Variants in POLR2F observed in about 807,000 individuals in gnomAD.
POLR2F encodes the protein RNA polymerase II, I and III subunit F.
Under a neutral mutation model 22.7 loss-of-function variants are expected in POLR2F, and 12 were observed. That is an observed-to-expected ratio of 0.53 (90% CI 0.34 to 0.86). POLR2F has a LOEUF of 0.86. Ranked by LOEUF, POLR2F falls within the 40% of genes least tolerant of loss-of-function variation. The pLI, the probability that POLR2F is intolerant of heterozygous loss-of-function variation, is 0.02. For missense variants in POLR2F, 126 were observed against 171.5 expected (o/e 0.73, Z 1.48); for synonymous variants, 57 against 66.0 (o/e 0.86, Z 0.66).
At position 37,980,941 on chromosome 22, in the gene POLR2F, T is replaced by C. The variant is rs76086449; in HGVS notation, c.293+13771T>C. 4.2e-3 allele frequency among the ~76,000 whole-genome samples: 639 copies of C among 152,336 alleles called. 3 individuals are homozygous for C. The highest frequency in any genetic ancestry group is 0.01 in the Middle Eastern group (3 of 294). ...CCACCACACAGGAGGGACTCTTGCC[T>C]GTGTCCGCCTTTCCAGTTTCTTGGC... On this transcript the variant is annotated intron_variant, in intron 4 of 4. Transcript: ENST00000405557. The surrounding 1 kb of genome is among the most constrained non-coding windows in gnomAD (Gnocchi z 4.1).
intron 1 of POLR2F, among the ~76,000 whole-genome samples, chr22:38,007,163 A>G (rs1264812328): frequency 1.3e-5 from 2 of 152,108 alleles, no homozygotes; most frequent in African/African-American, 4.8e-5. Flanking sequence ...GCCTGAGGGA[A>G]GGGCCCTCCC....
In POLR2F at chr22:37,959,389, C is replaced by T. The variant is rs751628684; in HGVS notation, c.134C>T (p.Pro45Leu). 39 of 1,613,872 alleles carry T rather than the reference C, an allele frequency of 2.4e-5. No individual in the cohort carries two copies. The highest frequency in any genetic ancestry group is 2.4e-4 in the South Asian group (22 of 91,076). Residue 45 changes from proline (P) to leucine (L), a missense_variant, in exon 3 of 5, where the codon CCG becomes CTG. Coordinates refer to ENST00000442738, the MANE Select transcript of POLR2F (RefSeq NM_021974.5). ...NVEILPSGER[P>L]QANQKRITTP... ...GAGATCCTCCCCTCTGGGGAGCGACCGCAGGCCAACCAGAAGCGAATCACC... is the reference window on the plus strand; with the variant it reads ...GAGATCCTCCCCTCTGGGGAGCGACTGCAGGCCAACCAGAAGCGAATCACC...
intron 1 of POLR2F, among the ~76,000 whole-genome samples, chr22:38,009,094 C>T (rs747113820): frequency 1.3e-5 from 2 of 152,072 alleles, no homozygotes; most frequent in East Asian, 1.9e-4. Flanking sequence ...GCAGAGGCTC[C>T]AGGTGGGAGC....
At chr22:38,037,702 C>CCAGCCT in intron 5 of POLR2F, among the ~76,000 whole-genome samples, 2 of 152,210 alleles carry the variant, frequency 1.3e-5, no homozygotes, top group Admixed American at 1.3e-4. Flanking sequence ...ACGCGATTCT[C>CCAGCCT]CAGCCTCAGC....
In POLR2F at chr22:37,986,335, A is replaced by AC. The variant is rs1331595166; in HGVS notation, c.120+27dup. 1.1e-5 allele frequency: 17 copies of AC among 1,524,114 alleles called. No homozygotes were observed. Among genetic ancestry groups the AC allele is most frequent in the Non-Finnish European group, 1.2e-5 (14 of 1,140,606 alleles). 94.4% of individuals were successfully genotyped at this position (1,524,114 alleles called of 1,614,324 possible). ...CCGGTGGGTCCCCACTCATCCTTCCACCCCTCAGTTCCTCCTCTTTGAGGA... is the reference window on the plus strand; with the variant it reads ...CCGGTGGGTCCCCACTCATCCTTCCACCCCCTCAGTTCCTCCTCTTTGAGGA... On this transcript the variant is annotated intron_variant, in intron 1 of 2. Coordinates refer to the POLR2F transcript ENST00000333418. This position sits in a 1 kb window ranked among gnomAD's most constrained non-coding sequence, Gnocchi z 4.7.
chr22:38,024,486 C>T (rs867660052), intron 1 of POLR2F, among the ~76,000 whole-genome samples: 1 of 152,074 alleles, frequency 6.6e-6, no homozygotes, highest in Admixed American at 6.5e-5. Flanking sequence ...CCTTGGTTTT[C>T]GGTCTTAGGG....
intron 1 of POLR2F, among the ~76,000 whole-genome samples, chr22:38,000,156 G>A (rs894446956): frequency 1.5e-4 from 23 of 152,242 alleles, no homozygotes; most frequent in South Asian, 1.0e-3. Context: ...TGCAGGCACA[G>A]TGTGTGCAGC....
chr22:37,973,489 C>T, downstream of POLR2F: 2 of 1,563,254 alleles, frequency 1.3e-6, no homozygotes, highest in Non-Finnish European at 8.7e-7. Context: ...GGCGACAGGG[C>T]CCCCTTTAGG....
chr22:38,022,694 A>G (rs1294898523), intron 1 of POLR2F, among the ~76,000 whole-genome samples: 2 of 152,268 alleles, frequency 1.3e-5, no homozygotes, highest in East Asian at 3.9e-4. Flanking sequence ...TAGAAGTTTT[A>G]AAAGAATGAG....
chr22:37,973,616 TAGG>T, downstream of POLR2F: 2 of 1,613,486 alleles, frequency 1.2e-6, no homozygotes, highest in Non-Finnish European at 1.7e-6. Context: ...GGGCCCCATA[TAGG>T]AGAAGGCCGA....
intron 1 of POLR2F, among the ~76,000 whole-genome samples, chr22:37,991,827 G>T (rs1403331752): frequency 1.3e-5 from 2 of 152,206 alleles, no homozygotes; most frequent in African/African-American, 4.8e-5. Flanking sequence ...GTGTTCCCAT[G>T]CCTTCAGAGT....
intron 1 of POLR2F, among the ~76,000 whole-genome samples, chr22:38,021,522 T>G (rs2084960085): frequency 6.6e-6 from 1 of 152,190 alleles, no homozygotes; most frequent in Non-Finnish European, 1.5e-5. Context: ...AGTGACGCGA[T>G]CATGGCTCTC....
At chr22:38,033,603 C>T (rs1008730149) in intron 5 of POLR2F, among the ~76,000 whole-genome samples, 1 of 152,246 alleles carries the variant, frequency 6.6e-6, no homozygotes, top group African/African-American at 2.4e-5. Context: ...AAGCCTGCTC[C>T]CCCAGTGCAG....
chr22:37,981,386 A>G (rs1261239349), upstream of POLR2F, among the ~76,000 whole-genome samples: 4 of 152,230 alleles, frequency 2.6e-5, no homozygotes, highest in East Asian at 5.8e-4. Context: ...CCATCCTCCC[A>G]TTGGGATTGG....
intron 1 of POLR2F, among the ~76,000 whole-genome samples, chr22:37,956,300 C>T (rs1478252977): frequency 6.6e-6 from 1 of 151,948 alleles, no homozygotes; most frequent in Non-Finnish European, 1.5e-5. Flanking sequence ...TCATGTTGGT[C>T]AGGCTGGCCT....
chr22:38,005,832 A>G (rs1309562725), intron 1 of POLR2F, among the ~76,000 whole-genome samples: 1 of 152,230 alleles, frequency 6.6e-6, no homozygotes, highest in Non-Finnish European at 1.5e-5. Context: ...CTCCTGTAAC[A>G]ATTTGATGTG....
downstream of POLR2F, chr22:37,970,929 G>T: frequency 3.8e-6 from 1 of 266,182 alleles, no homozygotes; most frequent in Non-Finnish European, 7.5e-6. Context: ...AAAGATCGGG[G>T]TTTCGGTTAC....
In POLR2F at chr22:37,969,023, C is replaced by T. The variant is rs748380051; in HGVS notation, c.*1308C>T. 5.4e-5 allele frequency: 53 copies of T among 985,372 alleles called. No homozygotes were observed. The highest frequency in any genetic ancestry group is 2.3e-4 in the East Asian group (2 of 8,826). The allele number at this position is 985,372 out of a possible 1,614,324, so 61.0% of individuals were successfully genotyped here. On this transcript the variant is annotated 3_prime_UTR_variant, in exon 5 of 5. Coordinates refer to ENST00000442738, the MANE Select transcript of POLR2F (RefSeq NM_021974.5). Reference sequence around the variant, plus strand: ...GCCTTTGTGCTGGCATCCAGGCAGCCGCCCCAGAGTGCGGGGGTCACTTTC... The same window carrying T: ...GCCTTTGTGCTGGCATCCAGGCAGCTGCCCCAGAGTGCGGGGGTCACTTTC...
chr22:37,973,906 G>A (rs774429621), downstream of POLR2F: 4 of 1,610,150 alleles, frequency 2.5e-6, no homozygotes, highest in Admixed American at 1.7e-5. Context: ...TCCAGGCGGA[G>A]TGTCCACTGG....
Sources: gnomAD v4.1 joint callset for allele counts (sites outside exome capture counted in the v4.1 genomes callset) on GRCh38, gnomAD v4.1.1 for gene constraint, Gnocchi (gnomAD v3.1) non-coding constraint, MANE v1.5 for transcripts, NCBI Gene and HGNC (gene_info 2026-07-23, HGNC 2026-07-21) for gene names.